The following PLXDC2 variants were observed in gnomAD, a reference collection of about 807,000 sequenced individuals.
PLXDC2 encodes the protein plexin domain-containing protein 2.
A neutral mutation model predicts 68.9 loss-of-function variants in PLXDC2; 40 were observed. That is an observed-to-expected ratio of 0.58 (90% CI 0.45 to 0.76). PLXDC2 has a LOEUF of 0.76. Among genes scored for constraint, PLXDC2 ranks in the 30% least tolerant of loss-of-function variants. PLXDC2 has a pLI of 0.00. For missense variants in PLXDC2, 644 were observed against 661.9 expected (o/e 0.97, Z 0.30); for synonymous variants, 243 against 234.2 (o/e 1.04, Z -0.34).
chr10:20,062,208 G>A (rs1268466336), intron 3 of PLXDC2, among the ~76,000 whole-genome samples: 2 of 152,144 alleles, frequency 1.3e-5, no homozygotes, highest in Non-Finnish European at 2.9e-5. Flanking sequence ...GGCGGATCAC[G>A]AGGTCAAAAG....
At chr10:19,852,145 A>T (rs985230769) in intron 1 of PLXDC2, among the ~76,000 whole-genome samples, 1 of 152,064 alleles carries the variant, frequency 6.6e-6, no homozygotes, top group African/African-American at 2.4e-5. Context: ...TGGCTCACAC[A>T]TGTAATCCCA....
chr10:20,149,069 G>T lies in PLXDC2; in HGVS notation c.783+1167G>T, dbSNP rs550617258. Among the ~76,000 whole-genome samples, 8 of 152,020 alleles carry T rather than the reference G, an allele frequency of 5.3e-5. No homozygotes were observed. The South Asian group carries it at 6.2e-4, about 12-fold the overall frequency. ...CTATGTTTCTTTGTCCAAGTGTATG[G>T]TGTTTTTCTTTTAATTTTTATTTCA... On this transcript the variant is annotated intron_variant, in intron 6 of 13. Transcript: ENST00000377252.
intron 4 of PLXDC2, among the ~76,000 whole-genome samples, chr10:20,089,149 T>TA (rs112399670): frequency 1.5e-4 from 22 of 149,064 alleles, no homozygotes; most frequent in East Asian, 7.9e-4. Context: ...GCTGTTAAAT[T>TA]AAAAAAAAAC....
At chr10:20,269,744 A>G (rs1482464335) in intron 13 of PLXDC2, among the ~76,000 whole-genome samples, 5 of 152,180 alleles carry the variant, frequency 3.3e-5, no homozygotes, top group Non-Finnish European at 5.9e-5. Context: ...TGGGCCTGGC[A>G]TGATGGCTCA....
chr10:19,885,366 C>T (rs1837823053), intron 1 of PLXDC2, among the ~76,000 whole-genome samples: 1 of 151,644 alleles, frequency 6.6e-6, no homozygotes. Flanking sequence ...AATTAGATCC[C>T]ATTTGTCAAT....
At chr10:20,245,953 A>G in intron 13 of PLXDC2, among the ~76,000 whole-genome samples, 1 of 152,128 alleles carries the variant, frequency 6.6e-6, no homozygotes. Flanking sequence ...ATGCTCACAA[A>G]CCGTTTGGAA....
chr10:19,953,287 G>A (rs1834020021), intron 1 of PLXDC2, among the ~76,000 whole-genome samples: 1 of 152,182 alleles, frequency 6.6e-6, no homozygotes, highest in African/African-American at 2.4e-5. Context: ...CATGCTAGGT[G>A]GTTGTGATTC....
intron 7 of PLXDC2, among the ~76,000 whole-genome samples, chr10:20,166,302 T>C (rs1201565859): frequency 1.3e-5 from 2 of 152,154 alleles, no homozygotes; most frequent in Non-Finnish European, 2.9e-5. Context: ...TTCTGCTTGA[T>C]GAAGAACATG....
chr10:20,126,344 C>T (rs1293934116), intron 4 of PLXDC2, among the ~76,000 whole-genome samples: 4 of 139,366 alleles, frequency 2.9e-5, no homozygotes, highest in Admixed American at 2.9e-4. Context: ...TTATATAATA[C>T]ATATATACAT....
intron 13 of PLXDC2, among the ~76,000 whole-genome samples, chr10:20,279,430 A>C (rs977399227): frequency 1.3e-5 from 2 of 152,114 alleles, no homozygotes; most frequent in African/African-American, 2.4e-5. Flanking sequence ...AAGGCATTAA[A>C]CCTTGCTTGG....
At chr10:20,216,910 A>G (rs1211944151) in intron 10 of PLXDC2, among the ~76,000 whole-genome samples, 1 of 152,110 alleles carries the variant, frequency 6.6e-6, no homozygotes, top group Non-Finnish European at 1.5e-5. Context: ...ATAAAGGAAA[A>G]CAAAATTTTA....
intron 4 of PLXDC2, among the ~76,000 whole-genome samples, chr10:20,113,842 G>A (rs1173685649): frequency 2.0e-5 from 3 of 152,106 alleles, no homozygotes; most frequent in African/African-American, 7.2e-5. Context: ...TTAAGCAAAT[G>A]TGGCTGGGTG....
intron 1 of PLXDC2, among the ~76,000 whole-genome samples, chr10:19,869,421 C>CAGAAAGAA (rs751879101): frequency 5.7e-5 from 7 of 122,392 alleles, no homozygotes; most frequent in Admixed American, 1.2e-4. Flanking sequence ...AAGACTCTAC[C>CAGAAAGAA]AGAAAGAAAG....
intron 4 of PLXDC2, among the ~76,000 whole-genome samples, chr10:20,090,617 T>C (rs1400485787): frequency 6.6e-6 from 1 of 152,194 alleles, no homozygotes; most frequent in Non-Finnish European, 1.5e-5. Context: ...GAGTGATTCC[T>C]TAGCAAGGTA....
At chr10:20,046,119 T>G (rs1476053771) in intron 2 of PLXDC2, among the ~76,000 whole-genome samples, 4 of 152,130 alleles carry the variant, frequency 2.6e-5, no homozygotes, top group African/African-American at 9.6e-5. Context: ...AACCTTATTT[T>G]TAAAGAAAAG....
At chr10:19,968,859 A>G (rs542996838) in intron 1 of PLXDC2, among the ~76,000 whole-genome samples, 3 of 152,280 alleles carry the variant, frequency 2.0e-5, no homozygotes, top group African/African-American at 7.2e-5. Context: ...CCAGTGTCAG[A>G]CCAGTAAGTT....
chr10:19,940,376 G>T (rs975347200), intron 1 of PLXDC2, among the ~76,000 whole-genome samples: 1 of 152,068 alleles, frequency 6.6e-6, no homozygotes, highest in Admixed American at 6.5e-5. Flanking sequence ...CCATTTGCAT[G>T]ATTTATACCT....
At chr10:19,951,328 G>T (rs1255082424) in intron 1 of PLXDC2, among the ~76,000 whole-genome samples, 1 of 151,744 alleles carries the variant, frequency 6.6e-6, no homozygotes, top group East Asian at 1.9e-4. Context: ...TAGGCAAAAG[G>T]CATAAGCAGA....
rs1836208656 is a variant in PLXDC2 at position 20,289,827 on chromosome 10, G to A, written c.*10008G>A. Reference sequence around the variant, plus strand: ...ACTGTACTGATTAAACTTTGATATTGTGGAGTAAATTCAGAAGTGCAATTT... The same window carrying A: ...ACTGTACTGATTAAACTTTGATATTATGGAGTAAATTCAGAAGTGCAATTT... On this transcript the variant is annotated 3_prime_UTR_variant, in exon 14 of 14. Transcript: ENST00000377252. 6.6e-6 allele frequency: 1 copy of A among 152,138 alleles called. No homozygotes were observed. Among genetic ancestry groups the A allele is most frequent in the African/African-American group, 2.4e-5 (1 of 41,430 alleles). The allele number at this position is 152,138 out of a possible 1,614,324, so 9.4% of individuals were successfully genotyped here.
Sources: allele counts gnomAD v4.1 joint callset (sites outside exome capture counted in the v4.1 genomes callset), GRCh38; gene constraint gnomAD v4.1.1; transcripts MANE v1.5; gene names NCBI Gene and HGNC (gene_info 2026-07-23, HGNC 2026-07-21).